UNC93B1: variants seen among roughly 807,000 people sequenced by gnomAD.
UNC93B1 encodes the protein protein unc-93 homolog B1.
UNC93B1 carries 33 observed loss-of-function variants against 56.8 expected under a neutral mutation model. That is an observed-to-expected ratio of 0.58 (90% CI 0.44 to 0.78). The LOEUF is 0.78. Among genes scored for constraint, UNC93B1 ranks in the 30% least tolerant of loss-of-function variants. The pLI is 0.00. For synonymous variants in UNC93B1, 334 were observed against 358.6 expected, an observed-to-expected ratio of 0.93 and a Z score of 0.77; for missense variants, 673 against 819.5, an observed-to-expected ratio of 0.82 and a Z score of 2.18.
At chr11:67,998,684 C>T (rs746519966) in intron 5 of UNC93B1, among the ~76,000 whole-genome samples, 9 of 151,930 alleles carry the variant, frequency 5.9e-5, no homozygotes, top group Non-Finnish European at 1.2e-4. Flanking sequence ...GGGGTGGGCT[C>T]AAGAAAGGAA....
intron 8 of UNC93B1, 24 bp from the exon 9 acceptor site, chr11:67,995,908 G>A (rs1271252312): frequency 6.8e-7 from 1 of 1,470,404 alleles, no homozygotes; most frequent in Non-Finnish European, 9.0e-7. Flanking sequence ...AGGGGTGAGT[G>A]TTGAAGTCTG....
rs950152840 is a variant in UNC93B1 at position 67,991,438 on chromosome 11, A to G, written c.*108T>C. ...GTCCCCAACGTGGGGGAGGGGAGAC[A>G]GGGGCCTTTGAAGACAGCGCGGGAC... On this transcript the variant is annotated 3_prime_UTR_variant, in exon 11 of 11. Transcript: ENST00000227471. 5 of 1,111,544 alleles carry G rather than the reference A, an allele frequency of 4.5e-6. No homozygotes were observed. Among genetic ancestry groups the G allele is most frequent in the Non-Finnish European group, 5.9e-6 (5 of 845,692 alleles). 68.9% of individuals were successfully genotyped at this position (1,111,544 alleles called of 1,614,324 possible).
chr11:67,997,389 T>C (rs1406203741), intron 7 of UNC93B1, among the ~76,000 whole-genome samples: 1 of 151,998 alleles, frequency 6.6e-6, no homozygotes, highest in Non-Finnish European at 1.5e-5. Context: ...AGATCTTGTC[T>C]CCAGCTCGAA....
At chr11:67,997,849 G>A in intron 6 of UNC93B1, 50 bp from the exon 7 acceptor site, 1 of 1,587,204 alleles carries the variant, frequency 6.3e-7, no homozygotes, top group Non-Finnish European at 8.5e-7. Context: ...AGGGCACACA[G>A]TCAATCCAGC....
intron 9 of UNC93B1, among the ~76,000 whole-genome samples, chr11:67,995,051 C>T (rs1218551834): frequency 6.6e-6 from 1 of 152,194 alleles, no homozygotes; most frequent in Non-Finnish European, 1.5e-5. Flanking sequence ...TGCAGGCCTG[C>T]TCCTCTCTAT....
rs1242039145 is a variant in UNC93B1 at position 67,991,220 on chromosome 11, C to G, written c.*326G>C. ...CGCGGCCCGGGTCCGCGGCCGAGAG[C>G]TGTGGGGATCTGGAGCGGGCCGGGT... On this transcript the variant is annotated 3_prime_UTR_variant, in exon 11 of 11. Coordinates refer to ENST00000227471, the MANE Select transcript of UNC93B1 (RefSeq NM_030930.4). 2.1e-5 allele frequency: 6 copies of G among 286,734 alleles called. No homozygotes were observed. Among genetic ancestry groups the G allele is most frequent in the Middle Eastern group, 9.3e-4 (1 of 1,078 alleles). The allele number at this position is 286,734 out of a possible 1,614,324, so 17.8% of individuals were successfully genotyped here.
In UNC93B1 at chr11:68,003,301, T is replaced by A; in HGVS notation, c.239-126A>T. ...AAGGCATTCCCGCTGACAGCGCCCC[T>A]CAGGACAGCGGGGTTCCCGGGCTGC... is the stretch of plus-strand genomic sequence containing the variant. On this transcript the variant is annotated intron_variant, in intron 2 of 10. Transcript: ENST00000227471. This position sits in a 1 kb window ranked among gnomAD's most constrained non-coding sequence, Gnocchi z 4.4. 1 of 1,220,984 alleles carries A rather than the reference T, an allele frequency of 8.2e-7. No homozygotes were observed. Among genetic ancestry groups the A allele is most frequent in the Non-Finnish European group, 1.1e-6 (1 of 909,940 alleles). 75.6% of individuals were successfully genotyped at this position (1,220,984 alleles called of 1,614,324 possible). A position where few individuals can be genotyped will look rare whatever the true frequency, so the allele number is the denominator to read the frequency against.
chr11:67,995,981 T>A, intron 8 of UNC93B1, 97 bp from the exon 9 acceptor site: 1 of 1,156,452 alleles, frequency 8.6e-7, no homozygotes, highest in Non-Finnish European at 1.2e-6. Flanking sequence ...CCCCCTGCGA[T>A]GGGGGTCCTA....
In UNC93B1 at chr11:68,003,033, A is replaced by T. The variant is rs749483009; in HGVS notation, c.381T>A (p.Pro127=). The change falls in exon 3 of 11, where the codon CCT becomes CCA. Residue 127 remains proline (P), a synonymous_variant. Transcript: ENST00000227471. This position sits in a 1 kb window ranked among gnomAD's most constrained non-coding sequence, Gnocchi z 4.4. ...VTPIAALLYT[P]VLIRFFGTKW... ...GCAGCCGCGCCCACCTGATGAGCACAGGTGTGTAGAGCAGGGCGGCGATGG... is the reference window on the plus strand; with the variant it reads ...GCAGCCGCGCCCACCTGATGAGCACTGGTGTGTAGAGCAGGGCGGCGATGG... 3.1e-6 allele frequency: 5 copies of T among 1,611,456 alleles called. No homozygotes were observed. Among genetic ancestry groups the T allele is most frequent in the East Asian group, 2.2e-5 (1 of 44,728 alleles).
In UNC93B1 at chr11:67,999,293, C is replaced by A. The variant is rs760947330; in HGVS notation, c.567G>T (p.Lys189Asn). The A allele has an allele frequency of 1.2e-6, 2 of 1,613,232 alleles. No homozygotes were observed. Among genetic ancestry groups the A allele is most frequent in the Non-Finnish European group, 1.7e-6 (2 of 1,179,644 alleles). Residue 189 changes from lysine (K) to asparagine (N), a missense_variant, in exon 5 of 11, where the codon AAG becomes AAT. Lys to Asn is a moderately conservative substitution (Grantham distance 94, BLOSUM62 0). This residue lies in a region of UNC93B1 where 438 missense variants were observed against 465.9 expected (regional missense o/e 0.94). Transcript: ENST00000227471. ...CCTTGTAGTGGGAGTACTCATGGTACTTCTGCGCCATCCTGGACCACAAAG... is the reference window on the plus strand; with the variant it reads ...CCTTGTAGTGGGAGTACTCATGGTAATTCTGCGCCATCCTGGACCACAAAG... ...MGNYITRMAQ[K>N]YHEYSHYKEQ... is the part of the protein sequence containing the mutation.
intron 8 of UNC93B1, among the ~76,000 whole-genome samples, chr11:67,996,146 G>T (rs1194862345): frequency 6.6e-6 from 1 of 150,848 alleles, no homozygotes; most frequent in African/African-American, 2.4e-5. Flanking sequence ...TGCGATGGGG[G>T]TCCTAAGAGC....
chr11:67,999,116 G>A, intron 5 of UNC93B1, 57 bp downstream of exon 5: 1 of 1,604,418 alleles, frequency 6.2e-7, no homozygotes, highest in Admixed American at 1.7e-5. Flanking sequence ...GACTGTGGAT[G>A]GGCTCCAATG....
At chr11:67,993,936 G>A (rs982426337) in intron 9 of UNC93B1, 142 bp from the exon 10 acceptor site, 20 of 689,644 alleles carry the variant, frequency 2.9e-5, no homozygotes, top group South Asian at 4.6e-5. Flanking sequence ...GCTGTGAGGC[G>A]GTCCTGGCCT....
intron 5 of UNC93B1, among the ~76,000 whole-genome samples, chr11:67,998,914 A>G (rs1035722600): frequency 3.3e-5 from 5 of 152,098 alleles, no homozygotes; most frequent in Admixed American, 6.6e-5. Context: ...CACCAAAAAA[A>G]AAAGAAAGAA....
Position 67,993,914 on chromosome 11 carries a change from C to G in UNC93B1, c.1364-120G>C, listed in dbSNP as rs374211173. Reference sequence around the variant, plus strand: ...TGGGTCCCAGCCCCGGACCAGAGAGCGCCTAGAAAGTGCTGTGAGGCGGTC... The same window carrying G: ...TGGGTCCCAGCCCCGGACCAGAGAGGGCCTAGAAAGTGCTGTGAGGCGGTC... On this transcript the variant is annotated intron_variant, in intron 9 of 10. Coordinates refer to ENST00000227471, the MANE Select transcript of UNC93B1 (RefSeq NM_030930.4). The G allele has an allele frequency of 3.3e-5, 25 of 761,586 alleles. 1 individual carries two copies. The highest frequency in any genetic ancestry group is 3.1e-4 in the African/African-American group (18 of 58,160). 47.2% of individuals were successfully genotyped at this position (761,586 alleles called of 1,614,324 possible).
In UNC93B1 at chr11:68,003,058, G is replaced by C. The variant is rs933923057; in HGVS notation, c.356C>G (p.Pro119Arg). 5 of 1,612,988 alleles carry C rather than the reference G, an allele frequency of 3.1e-6. No homozygotes were observed. The African/African-American group carries it at 6.7e-5, about 22-fold the overall frequency. Residue 119 changes from proline to arginine, a missense_variant, in exon 3 of 11, where the codon CCC becomes CGC. By Grantham distance (103) the Pro-to-Arg change is moderately radical. Around this residue, in one of 3 missense-constraint regions of UNC93B1, gnomAD observed 438 missense variants for 465.9 expected, o/e 0.94. Transcript: ENST00000227471. This position sits in a 1 kb window ranked among gnomAD's most constrained non-coding sequence, Gnocchi z 4.4. ...AGGTGTGTAGAGCAGGGCGGCGATG[G>C]GAGTCACGTTGATGCCCATCAGCAT... ...SKMLMGINVT[P>R]IAALLYTPVL...
At position 68,003,251 on chromosome 11, in the gene UNC93B1, G is replaced by C; in HGVS notation, c.239-76C>G. 1 of 1,422,050 alleles carries C rather than the reference G, an allele frequency of 7.0e-7. No homozygotes were observed. Among genetic ancestry groups the C allele is most frequent in the Non-Finnish European group, 9.3e-7 (1 of 1,077,596 alleles). The allele number at this position is 1,422,050 out of a possible 1,614,324, so 88.1% of individuals were successfully genotyped here. A position where few individuals can be genotyped will look rare whatever the true frequency, so the allele number is the denominator to read the frequency against. On this transcript the variant is annotated intron_variant, in intron 2 of 10. Transcript: ENST00000227471. The surrounding 1 kb of genome is among the most constrained non-coding windows in gnomAD (Gnocchi z 4.4). ...CCACCGAGCAGAAGACGGCATGCAGGCCTCGCAGGGAGCTCCAATCACCGA... is the reference window on the plus strand; with the variant it reads ...CCACCGAGCAGAAGACGGCATGCAGCCCTCGCAGGGAGCTCCAATCACCGA...
chr11:67,998,769 C>T (rs773845425), intron 5 of UNC93B1, among the ~76,000 whole-genome samples: 1 of 152,060 alleles, frequency 6.6e-6, no homozygotes, highest in Non-Finnish European at 1.5e-5. Context: ...TGGTAGCACA[C>T]GCATATGATG....
At chr11:67,998,742 A>G (rs1856994627) in intron 5 of UNC93B1, among the ~76,000 whole-genome samples, 1 of 152,116 alleles carries the variant, frequency 6.6e-6, no homozygotes, top group South Asian at 2.1e-4. Flanking sequence ...TACAAAAAAT[A>G]AAAAATTAGC....
Sources: gnomAD v4.1 joint callset for allele counts (sites outside exome capture counted in the v4.1 genomes callset) on GRCh38, gnomAD v4.1.1 for gene constraint, gnomAD v4.1.1 regional missense constraint, Gnocchi (gnomAD v3.1) non-coding constraint, MANE v1.5 for transcripts, NCBI Gene and HGNC (gene_info 2026-07-23, HGNC 2026-07-21) for gene names.